Variants in ZNF532 observed in about 807,000 individuals in gnomAD.
The protein encoded by ZNF532 is zinc finger protein 532.
A neutral mutation model predicts 89.3 loss-of-function variants in ZNF532; 22 were observed. The ratio of observed to expected loss-of-function variants is 0.25; its 90% CI spans 0.18 to 0.35. The LOEUF (loss-of-function observed/expected upper bound fraction) is 0.35, where lower values mean the gene tolerates loss of function less well. Ranked by LOEUF, ZNF532 falls within the 10% of genes least tolerant of loss-of-function variation. ZNF532 has a pLI of 1.00. For synonymous variants in ZNF532, 606 were observed against 649.6 expected (o/e 0.93, Z 1.02); for missense variants, 1,132 against 1,643.4 (o/e 0.69, Z 5.38).
At chr18:58,982,535 T>C (rs1603354389) in intron 9 of ZNF532, among the ~76,000 whole-genome samples, 1 of 151,850 alleles carries the variant, frequency 6.6e-6, no homozygotes, top group African/African-American at 2.4e-5. Flanking sequence ...GGCAGGAGAA[T>C]TGCTGGAACC....
intron 7 of ZNF532, among the ~76,000 whole-genome samples, chr18:58,977,072 T>G (rs1239342325): frequency 1.3e-5 from 2 of 152,204 alleles, no homozygotes; most frequent in African/African-American, 4.8e-5. Context: ...CTTTGTTCTC[T>G]CTTTCGTTGT....
At chr18:58,929,244 G>A (rs748553018) in intron 3 of ZNF532, among the ~76,000 whole-genome samples, 1 of 152,116 alleles carries the variant, frequency 6.6e-6, no homozygotes, top group South Asian at 2.1e-4. Flanking sequence ...GGTTACTTCC[G>A]AGTCACCTTC....
At chr18:58,913,128 G>A (rs914619948) in intron 2 of ZNF532, among the ~76,000 whole-genome samples, 3 of 151,814 alleles carry the variant, frequency 2.0e-5, no homozygotes, top group African/African-American at 7.3e-5. Context: ...GAAGAGAGAA[G>A]GTTTTTTTTC....
In ZNF532 at chr18:58,972,513, TC is replaced by T. The variant is rs994918800; in HGVS notation, c.3151-6541del. Among the ~76,000 whole-genome samples the T allele has an allele frequency of 1.2e-4, 18 of 152,316 alleles. No homozygotes were observed. In the East Asian group the frequency reaches 3.1e-3, roughly 26 times the overall value. ...AAGTCTAAAATGTACCATACGTGCT[TC>T]ATTTTGAAAATGGAAGCTGCTGAGC... On this transcript the variant is annotated intron_variant, in intron 7 of 9. Coordinates refer to ENST00000591808, the MANE Select transcript of ZNF532 (RefSeq NM_001375912.1).
chr18:58,937,637 TGTTTATA>T (rs2062591502), intron 4 of ZNF532, among the ~76,000 whole-genome samples: 1 of 152,248 alleles, frequency 6.6e-6, no homozygotes, highest in African/African-American at 2.4e-5. Flanking sequence ...GAAAATCTTC[TGTTTATA>T]GTTTATGGTG....
intron 2 of ZNF532, among the ~76,000 whole-genome samples, chr18:58,885,397 G>A (rs906072265): frequency 6.6e-5 from 10 of 152,236 alleles, no homozygotes; most frequent in Middle Eastern, 3.4e-3. Flanking sequence ...GATGATTGTA[G>A]GAAATTTATT....
chr18:58,887,182 G>A (rs754197363), intron 2 of ZNF532, among the ~76,000 whole-genome samples: 4 of 152,240 alleles, frequency 2.6e-5, no homozygotes, highest in Non-Finnish European at 5.9e-5. Flanking sequence ...AGGGGCCCGA[G>A]GGGCCCTGGG....
At chr18:58,893,827 A>G (rs1000459352) in intron 2 of ZNF532, among the ~76,000 whole-genome samples, 4 of 152,156 alleles carry the variant, frequency 2.6e-5, no homozygotes, top group African/African-American at 9.7e-5. Flanking sequence ...TCTCGTGGGT[A>G]CAAGCCAGAG....
intron 2 of ZNF532, among the ~76,000 whole-genome samples, chr18:58,912,229 A>G (rs747657882): frequency 6.6e-6 from 1 of 152,238 alleles, no homozygotes; most frequent in African/African-American, 2.4e-5. Context: ...GATCAGGAAT[A>G]TCAAGTGTTA....
intron 2 of ZNF532, among the ~76,000 whole-genome samples, chr18:58,890,212 A>C (rs1470798914): frequency 1.3e-5 from 2 of 151,838 alleles, no homozygotes; most frequent in Non-Finnish European, 1.5e-5. Context: ...TTGACACTGC[A>C]CTCCAGCCTG....
At chr18:58,915,599 T>A (rs1002854192) in intron 2 of ZNF532, among the ~76,000 whole-genome samples, 2 of 152,272 alleles carry the variant, frequency 1.3e-5, no homozygotes, top group East Asian at 3.9e-4. Context: ...TCAACAAGTT[T>A]AGCATTAACT....
chr18:58,926,334 GTTTTC>G (rs1438442246), intron 3 of ZNF532: 3 of 152,138 alleles, frequency 2.0e-5, no homozygotes, highest in Non-Finnish European at 2.9e-5. Flanking sequence ...TTGTTTTGTA[GTTTTC>G]TTTTCTTTTT....
intron 5 of ZNF532, among the ~76,000 whole-genome samples, chr18:58,940,958 A>ACACACACACACACACC (rs1209329621): frequency 7.6e-6 from 1 of 131,706 alleles, no homozygotes; most frequent in African/African-American, 2.8e-5. Context: ...ACACACACAC[A>ACACACACACACACACC]CTCTTTCTCT....
intron 2 of ZNF532, 139 bp from the exon 3 acceptor site, chr18:58,918,132 G>A: frequency 5.3e-6 from 4 of 757,490 alleles, no homozygotes; most frequent in East Asian, 5.4e-5. Flanking sequence ...TGGACTCAGA[G>A]TTTCGTAGTT....
At chr18:58,963,592 A>T (rs1192277971) in intron 7 of ZNF532, among the ~76,000 whole-genome samples, 3 of 147,968 alleles carry the variant, frequency 2.0e-5, no homozygotes, top group Admixed American at 6.8e-5. Context: ...CACAGTATTT[A>T]AAAGAAAAAA....
intron 2 of ZNF532, among the ~76,000 whole-genome samples, chr18:58,879,611 G>A (rs183101425): frequency 2.4e-3 from 369 of 152,146 alleles, no homozygotes; most frequent in Middle Eastern, 6.8e-3. Flanking sequence ...GGCTGGTCTC[G>A]AACTCCTGAC....
At position 58,894,467 on chromosome 18, in the gene ZNF532, C is replaced by CA. The variant is rs149027291; in HGVS notation, c.-17-23786dup. ...GGGTGATAACAGCGAGACTCCATCT[C>CA]AAAAAAAAAAAAAAAAAAGAAAATA... On this transcript the variant is annotated intron_variant, in intron 2 of 9. Coordinates refer to ENST00000591808, the MANE Select transcript of ZNF532 (RefSeq NM_001375912.1). Among the ~76,000 whole-genome samples the CA allele has an allele frequency of 9.0e-3, 696 of 77,482 alleles. 9 individuals are homozygous for CA. The highest frequency in any genetic ancestry group is 0.018 in the African/African-American group (384 of 20,830). The allele number at this position is 77,482 out of a possible 152,430, so 50.8% of individuals were successfully genotyped here. A position where few individuals can be genotyped will look rare whatever the true frequency, so the allele number is the denominator to read the frequency against.
intron 7 of ZNF532, among the ~76,000 whole-genome samples, chr18:58,974,321 AC>A (rs2066803345): frequency 6.6e-6 from 1 of 152,202 alleles, no homozygotes; most frequent in Non-Finnish European, 1.5e-5. Context: ...AATTTTGTGT[AC>A]CAGTACTTTC....
intron 6 of ZNF532, among the ~76,000 whole-genome samples, chr18:58,949,466 A>C (rs1260676793): frequency 6.6e-6 from 1 of 152,216 alleles, no homozygotes; most frequent in Admixed American, 6.5e-5. Flanking sequence ...TGGGAGGCCA[A>C]GGTAGGCGGA....
Sources: gnomAD v4.1 joint callset for allele counts (sites outside exome capture counted in the v4.1 genomes callset) on GRCh38, gnomAD v4.1.1 for gene constraint, MANE v1.5 for transcripts, NCBI Gene and HGNC (gene_info 2026-07-23, HGNC 2026-07-21) for gene names.